Variants in LOC128462377 observed in about 807,000 individuals in gnomAD.
chr16:89,393,116 A>G, the LOC128462377 span, among the ~76,000 whole-genome samples: 3 of 151,970 alleles, frequency 2.0e-5, no homozygotes, highest in Admixed American at 2.0e-4. Flanking sequence ...CTTCACCTGC[A>G]TACCTTCTCT....
chr16:89,326,239 C>T, the LOC128462377 span, among the ~76,000 whole-genome samples: 6 of 152,170 alleles, frequency 3.9e-5, no homozygotes, highest in South Asian at 1.0e-3. Context: ...CCAAGGCTTG[C>T]GAGGGTGGAA....
the LOC128462377 span, among the ~76,000 whole-genome samples, chr16:89,334,944 C>T: frequency 1.5e-4 from 23 of 152,194 alleles, 1 homozygote; most frequent in Admixed American, 1.5e-3. Flanking sequence ...GCCAGGCAGA[C>T]AGTCAAGCAG....
the LOC128462377 span, among the ~76,000 whole-genome samples, chr16:89,366,277 C>T: frequency 1.4e-3 from 206 of 152,108 alleles, 1 homozygote; most frequent in African/African-American, 4.7e-3. Context: ...GTGAATGGTG[C>T]TGCAATGGAC....
At chr16:89,329,069 G>C in the LOC128462377 span, 1 of 153,288 alleles carries the variant, frequency 6.5e-6, no homozygotes, top group Admixed American at 6.5e-5. Context: ...CGAATCAGCG[G>C]AGGCCCCTGC....
the LOC128462377 span, among the ~76,000 whole-genome samples, chr16:89,382,076 G>A: frequency 1.1e-4 from 16 of 152,324 alleles, no homozygotes; most frequent in African/African-American, 3.8e-4. Flanking sequence ...AGTGAATGGG[G>A]CCCAGGCAGG....
the LOC128462377 span, among the ~76,000 whole-genome samples, chr16:89,358,145 C>T: frequency 1.3e-3 from 193 of 152,340 alleles, no homozygotes; most frequent in African/African-American, 4.4e-3. Flanking sequence ...GCTGGAGATG[C>T]TGCACCCACC....
the LOC128462377 span, among the ~76,000 whole-genome samples, chr16:89,359,809 A>G: frequency 6.6e-6 from 1 of 152,236 alleles, no homozygotes; most frequent in Non-Finnish European, 1.5e-5. Flanking sequence ...AAGATAAGAT[A>G]GTTTTTATTC....
chr16:89,367,229 G>A, the LOC128462377 span, among the ~76,000 whole-genome samples: 7 of 152,338 alleles, frequency 4.6e-5, no homozygotes, highest in Middle Eastern at 3.4e-3. Context: ...TCCACTCCAC[G>A]TGGGAGTTCA....
At chr16:89,362,941 C>T in the LOC128462377 span, among the ~76,000 whole-genome samples, 5 of 151,906 alleles carry the variant, frequency 3.3e-5, no homozygotes, top group Admixed American at 1.3e-4. Context: ...CAATGGAAAC[C>T]GGACACAGCA....
At chr16:89,407,920 TCTTC>T in the LOC128462377 span, among the ~76,000 whole-genome samples, 1 of 150,894 alleles carries the variant, frequency 6.6e-6, no homozygotes, top group Non-Finnish European at 1.5e-5. Context: ...TAAAACTCAG[TCTTC>T]CATTAACTTC....
At chr16:89,408,436 G>A in the LOC128462377 span, among the ~76,000 whole-genome samples, 9 of 152,242 alleles carry the variant, frequency 5.9e-5, no homozygotes, top group East Asian at 1.9e-4. Flanking sequence ...TACACAGGCC[G>A]TTAGAAACGG....
chr16:89,347,265 G>A, the LOC128462377 span, among the ~76,000 whole-genome samples: 1 of 152,186 alleles, frequency 6.6e-6, no homozygotes, highest in Non-Finnish European at 1.5e-5. Context: ...AAGCCTGACT[G>A]TCGCACATGT....
the LOC128462377 span, among the ~76,000 whole-genome samples, chr16:89,336,622 C>T: frequency 6.6e-6 from 1 of 152,150 alleles, no homozygotes; most frequent in South Asian, 2.1e-4. Context: ...TTTGTAAGGA[C>T]GGAAAGCCAC....
chr16:89,394,794 T>G, the LOC128462377 span, among the ~76,000 whole-genome samples: 2 of 152,248 alleles, frequency 1.3e-5, no homozygotes, highest in African/African-American at 4.8e-5. Flanking sequence ...CCATAATATA[T>G]GGCCCCGAGA....
chr16:89,317,917 C>T, the LOC128462377 span, among the ~76,000 whole-genome samples: 5 of 152,178 alleles, frequency 3.3e-5, no homozygotes, highest in Admixed American at 3.3e-4. Context: ...CACGCCCAGG[C>T]CAAGCCCTGC....
At chr16:89,379,573 G>A in the LOC128462377 span, among the ~76,000 whole-genome samples, 1 of 152,192 alleles carries the variant, frequency 6.6e-6, no homozygotes, top group South Asian at 2.1e-4. Context: ...CAACCTCCTG[G>A]GCTCAAGTGA....
the LOC128462377 span, among the ~76,000 whole-genome samples, chr16:89,369,060 C>A: frequency 3.9e-5 from 6 of 152,132 alleles, no homozygotes; most frequent in Admixed American, 3.3e-4. Flanking sequence ...CATTCCTCCA[C>A]AGCAAGCCCA....
the LOC128462377 span, among the ~76,000 whole-genome samples, chr16:89,384,629 G>A: frequency 1.3e-5 from 2 of 152,176 alleles, no homozygotes; most frequent in Admixed American, 6.5e-5. Flanking sequence ...AGGAGCCTCT[G>A]CACTGGCAGT....
chr16:89,368,536 C>G, the LOC128462377 span, among the ~76,000 whole-genome samples: 28 of 150,902 alleles, frequency 1.9e-4, no homozygotes, highest in East Asian at 5.3e-3. Flanking sequence ...TTCTTTTGTG[C>G]AGCATTTTCT....
Sources: allele counts gnomAD v4.1 joint callset (sites outside exome capture counted in the v4.1 genomes callset), GRCh38; gene constraint gnomAD v4.1.1; transcripts MANE v1.5.